The following SLCO6A1 variants were observed in gnomAD, a reference collection of about 807,000 sequenced individuals.
The protein encoded by SLCO6A1 is cancer/testis antigen 48.
In SLCO6A1, 65 loss-of-function variants were observed where a neutral mutation model predicts 72.7. The ratio of observed to expected loss-of-function variants is 0.89; its 90% CI spans 0.73 to 1.10. The LOEUF (loss-of-function observed/expected upper bound fraction) is 1.10. Ranked by LOEUF, SLCO6A1 falls within the 50% of genes least tolerant of loss-of-function variation. SLCO6A1 has a pLI of 0.00. For synonymous variants in SLCO6A1, 314 were observed against 298.2 expected (o/e 1.05, Z -0.55); for missense variants, 874 against 872.6 (o/e 1.00, Z -0.02).
rs370386552 is a variant in SLCO6A1 at position 102,473,147 on chromosome 5, T to C, written c.899+2550A>G. 1.6e-4 allele frequency among the ~76,000 whole-genome samples: 24 copies of C among 152,078 alleles called. No homozygotes were observed. In the East Asian group the frequency reaches 2.3e-3, roughly 15 times the overall value. On this transcript the variant is annotated intron_variant, in intron 4 of 13. Coordinates refer to ENST00000506729, the MANE Select transcript of SLCO6A1 (RefSeq NM_173488.5). Reference sequence around the variant, plus strand: ...TTTCTATGTGGCCAACATACTCTAATACTGAACCTAGAAAAAGATACTACA... The same window carrying C: ...TTTCTATGTGGCCAACATACTCTAACACTGAACCTAGAAAAAGATACTACA...
chr5:102,488,963 C>T (rs899797072), intron 1 of SLCO6A1, among the ~76,000 whole-genome samples: 1 of 152,128 alleles, frequency 6.6e-6, no homozygotes, highest in African/African-American at 2.4e-5. Flanking sequence ...GAGGAAGTCA[C>T]ATAAAAAGTC....
At chr5:102,497,010 T>C (rs557572575) in intron 1 of SLCO6A1, among the ~76,000 whole-genome samples, 1 of 152,364 alleles carries the variant, frequency 6.6e-6, no homozygotes, top group African/African-American at 2.4e-5. Context: ...GATGACAATT[T>C]ATTAGTTTTT....
At chr5:102,380,681 C>T (rs963453163) in intron 12 of SLCO6A1, among the ~76,000 whole-genome samples, 1 of 151,970 alleles carries the variant, frequency 6.6e-6, no homozygotes, top group African/African-American at 2.4e-5. Context: ...AGCCACTAGC[C>T]AAATGTGATC....
At chr5:102,462,648 A>G (rs1247402671) in intron 4 of SLCO6A1, among the ~76,000 whole-genome samples, 1 of 152,224 alleles carries the variant, frequency 6.6e-6, no homozygotes, top group African/African-American at 2.4e-5. Context: ...AGGACGTCCT[A>G]TTCAACAAAT....
Position 102,434,335 on chromosome 5 carries a change from G to A in SLCO6A1, c.1276+4282C>T, listed in dbSNP as rs142918599. ...TGCCTCCCTCTGGAGCCAAAGACAA[G>A]CATAATTACTGCCCACTATAAAAGA... is the stretch of plus-strand genomic sequence containing the variant. On this transcript the variant is annotated intron_variant, in intron 7 of 13. Coordinates refer to ENST00000506729, the MANE Select transcript of SLCO6A1 (RefSeq NM_173488.5). Among the ~76,000 whole-genome samples, 315 of 152,196 alleles carry A rather than the reference G, an allele frequency of 2.1e-3. 3 individuals are homozygous for A. Among genetic ancestry groups the A allele is most frequent in the African/African-American group, 7.2e-3 (300 of 41,536 alleles).
chr5:102,447,043 C>A (rs1304356852), intron 6 of SLCO6A1, among the ~76,000 whole-genome samples: 1 of 152,284 alleles, frequency 6.6e-6, no homozygotes, highest in South Asian at 2.1e-4. Flanking sequence ...TGAACCACCA[C>A]GCCCGGCCCT....
At chr5:102,469,360 C>T (rs1189499919) in intron 4 of SLCO6A1, among the ~76,000 whole-genome samples, 2 of 152,116 alleles carry the variant, frequency 1.3e-5, no homozygotes, top group African/African-American at 4.8e-5. Context: ...TGCAGTTCTC[C>T]TTGAAGAGGT....
chr5:102,398,460 G>T (rs1333422191), intron 10 of SLCO6A1, among the ~76,000 whole-genome samples: 1 of 152,126 alleles, frequency 6.6e-6, no homozygotes, highest in African/African-American at 2.4e-5. Flanking sequence ...TTATAGGAGT[G>T]AGCCACCGCG....
intron 7 of SLCO6A1, among the ~76,000 whole-genome samples, chr5:102,420,916 C>G (rs1748558090): frequency 6.6e-6 from 1 of 152,070 alleles, no homozygotes; most frequent in Non-Finnish European, 1.5e-5. Flanking sequence ...AACTGAGGTA[C>G]CCGGTTCATC....
chr5:102,403,310 A>G (rs1324064832), intron 9 of SLCO6A1, among the ~76,000 whole-genome samples: 1 of 152,166 alleles, frequency 6.6e-6, no homozygotes, highest in African/African-American at 2.4e-5. Flanking sequence ...TTACCAGAGC[A>G]TAGTAATGGT....
chr5:102,444,961 C>A (rs1231520320), intron 6 of SLCO6A1, among the ~76,000 whole-genome samples: 2 of 152,088 alleles, frequency 1.3e-5, no homozygotes, highest in Non-Finnish European at 1.5e-5. Context: ...TTTTCTTTAT[C>A]CATTTCACCA....
intron 8 of SLCO6A1, among the ~76,000 whole-genome samples, chr5:102,417,652 T>A (rs1258204581): frequency 6.6e-6 from 1 of 152,208 alleles, no homozygotes; most frequent in Admixed American, 6.5e-5. Flanking sequence ...GTAATAATTT[T>A]AAAAATGTAT....
chr5:102,497,133 G>A (rs1752941123), intron 1 of SLCO6A1, among the ~76,000 whole-genome samples: 1 of 152,174 alleles, frequency 6.6e-6, no homozygotes, highest in Non-Finnish European at 1.5e-5. Flanking sequence ...TTGAAAAGAG[G>A]CTAGTAAAGA....
Position 102,498,875 on chromosome 5 carries a change from GC to G in SLCO6A1, c.-32del, listed in dbSNP as rs1387801632. On this transcript the variant is annotated 5_prime_UTR_variant, in exon 1 of 14. Transcript: ENST00000506729. ...ACCCTGGGCGGCTCCTGGCGACGCG[GC>G]CCGAGTGCTCTCGGCTGCCCGTCCT... is the stretch of plus-strand genomic sequence containing the variant. The G allele has an allele frequency of 2.5e-6, 4 of 1,570,664 alleles. No homozygotes were observed. In the African/African-American group the frequency reaches 5.4e-5, roughly 21 times the overall value.
At chr5:102,443,181 A>G (rs2112696326) in intron 6 of SLCO6A1, among the ~76,000 whole-genome samples, 1 of 152,264 alleles carries the variant, frequency 6.6e-6, no homozygotes, top group East Asian at 1.9e-4. Flanking sequence ...CTGGAGACAG[A>G]GCGAGACTCC....
intron 3 of SLCO6A1, among the ~76,000 whole-genome samples, chr5:102,476,103 A>G (rs1189455984): frequency 6.6e-6 from 1 of 152,108 alleles, no homozygotes; most frequent in Non-Finnish European, 1.5e-5. Flanking sequence ...CATTGGGTAT[A>G]GCGTACACTG....
At chr5:102,379,719 T>C (rs745338521) in intron 12 of SLCO6A1, among the ~76,000 whole-genome samples, 7 of 150,706 alleles carry the variant, frequency 4.6e-5, no homozygotes, top group Non-Finnish European at 1.0e-4. Flanking sequence ...AATATTCTCA[T>C]AGTAATTCTT....
Position 102,413,062 on chromosome 5 carries a change from T to C in SLCO6A1, c.1554A>G (p.Gly518=), listed in dbSNP as rs961169474. 13 of 1,578,346 alleles carry C rather than the reference T, an allele frequency of 8.2e-6. No individual in the cohort carries two copies. The Admixed American group carries it at 1.3e-4, about 16-fold the overall frequency. The part of the protein sequence containing the change: ...CSSSIYSSIC[G]RDDIEYFSPC... ...GAGAAAAATATTCAATATCATCTCTTCCACATATAGAAGAATAAATTGAAG... is the reference window on the plus strand; with the variant it reads ...GAGAAAAATATTCAATATCATCTCTCCCACATATAGAAGAATAAATTGAAG... The change falls in exon 9 of 14, where the codon GGA becomes GGG. Residue 518 remains glycine (G), a synonymous_variant. Transcript: ENST00000506729.
intron 12 of SLCO6A1, among the ~76,000 whole-genome samples, chr5:102,386,898 A>C (rs1008780670): frequency 7.9e-5 from 12 of 152,136 alleles, no homozygotes; most frequent in African/African-American, 2.9e-4. Context: ...CTTCACATGG[A>C]GGGTATCTCT....
Sources: allele counts gnomAD v4.1 joint callset (sites outside exome capture counted in the v4.1 genomes callset), GRCh38; gene constraint gnomAD v4.1.1; transcripts MANE v1.5; gene names NCBI Gene and HGNC (gene_info 2026-07-23, HGNC 2026-07-21).